FLNC: variants seen among roughly 807,000 people sequenced by gnomAD.
FLNC encodes filamin-C.
A neutral mutation model predicts 254.3 loss-of-function variants in FLNC; 91 were observed. The ratio of observed to expected loss-of-function variants is 0.36; its 90% CI spans 0.30 to 0.43. The LOEUF is 0.43. Among genes scored for constraint, FLNC ranks in the 20% least tolerant of loss-of-function variants. The probability of loss-of-function intolerance (pLI) is 1.00; values close to 1 mark genes in which losing one functional copy is unlikely to be tolerated. For synonymous variants in FLNC, 1,430 were observed against 1,577.2 expected (o/e 0.91, Z 2.21); for missense variants, 2,853 against 3,802.6 (o/e 0.75, Z 6.57).
intron 24 of FLNC, 28 bp downstream of exon 24, chr7:128,846,933 A>C: frequency 1.2e-6 from 2 of 1,613,314 alleles, no homozygotes; most frequent in Non-Finnish European, 1.7e-6. Flanking sequence ...TCGGGGTCTC[A>C]GGGAAGACAA....
intron 8 of FLNC, among the ~76,000 whole-genome samples, 195 bp downstream of exon 8, chr7:128,838,998 G>A (rs1217696807): frequency 6.6e-6 from 1 of 152,176 alleles, no homozygotes; most frequent in Non-Finnish European, 1.5e-5. Context: ...GTGCCACCCT[G>A]GGAGGGCTGA....
rs1176399737 is a variant in FLNC, at chr7:128,841,869, TGACCCCTA to T, written c.2121+305_2121+312del. 5.9e-5 allele frequency among the ~76,000 whole-genome samples: 9 copies of T among 152,282 alleles called. No homozygotes were observed. Among genetic ancestry groups the T allele is most frequent in the Admixed American group, 5.9e-4 (9 of 15,294 alleles). On this transcript the variant is annotated intron_variant, in intron 13 of 47. Transcript: ENST00000325888. The surrounding 1 kb of genome is among the most constrained non-coding windows in gnomAD (Gnocchi z 4.3). ...GTCAGTTTCTCAGACTGGTGTCCATTGACCCCTAGAGGTTAATGAACATATTCTTGAGG... is the reference window on the plus strand; with the variant it reads ...GTCAGTTTCTCAGACTGGTGTCCATTGAGGTTAATGAACATATTCTTGAGG...
intron 1 of FLNC, among the ~76,000 whole-genome samples, chr7:128,833,515 C>A (rs985933141): frequency 5.3e-5 from 8 of 152,208 alleles, no homozygotes; most frequent in Admixed American, 4.6e-4. Flanking sequence ...TGCCCTTCTC[C>A]TGCCCCAAGC....
intron 1 of FLNC, among the ~76,000 whole-genome samples, chr7:128,834,547 G>A (rs1808022099): frequency 6.7e-6 from 1 of 149,300 alleles, no homozygotes; most frequent in African/African-American, 2.5e-5. Flanking sequence ...GAGTGTGAGT[G>A]GAAACTTGTC....
rs1431389763 is a variant in FLNC at position 128,849,403 on chromosome 7, A to G, written c.5024A>G (p.Glu1675Gly). 1 of 1,614,154 alleles carries G rather than the reference A, an allele frequency of 6.2e-7. No individual in the cohort carries two copies. Among genetic ancestry groups the G allele is most frequent in the Admixed American group, 1.7e-5 (1 of 60,034 alleles). Residue 1675 changes from glutamate (E) to glycine (G), a missense_variant, in exon 30 of 48, where the codon GAG becomes GGG. Glu to Gly is a moderately conservative substitution (Grantham distance 98). Coordinates refer to ENST00000325888, the MANE Select transcript of FLNC (RefSeq NM_001458.5). The part of the protein sequence containing the change: ...VITVDAKAAG[E>G]GKVTCTVSTP... ...ACGGTGGATGCCAAGGCAGCCGGTGAGGGGAAGGTGACATGCACGGTGTCC... is the reference window on the plus strand; with the variant it reads ...ACGGTGGATGCCAAGGCAGCCGGTGGGGGGAAGGTGACATGCACGGTGTCC...
At chr7:128,837,122 CT>C in intron 2 of FLNC, 37 bp from the exon 3 acceptor site, 4 of 1,419,760 alleles carry the variant, frequency 2.8e-6, no homozygotes, top group Non-Finnish European at 3.9e-6. Context: ...GGCCGGCTGG[CT>C]GCCCCTCACC....
intron 9 of FLNC, 21 bp from the exon 10 acceptor site, chr7:128,840,527 A>C (rs1585155590): frequency 6.2e-7 from 1 of 1,613,882 alleles, no homozygotes. Flanking sequence ...CTTCTTCCCC[A>C]CCCTGCCCCC....
chr7:128,834,264 C>A (rs1246189710), intron 1 of FLNC, among the ~76,000 whole-genome samples: 1 of 151,744 alleles, frequency 6.6e-6, no homozygotes, highest in Admixed American at 6.6e-5. Context: ...GCTAGGCCAC[C>A]CCAGGCTTCT....
rs987136773 is a variant in FLNC, at chr7:128,836,280, C to T, written c.601+706C>T. Among the ~76,000 whole-genome samples, 1 of 152,222 alleles carries T rather than the reference C, an allele frequency of 6.6e-6. No individual in the cohort carries two copies. Among genetic ancestry groups the T allele is most frequent in the Admixed American group, 6.5e-5 (1 of 15,284 alleles). Reference sequence around the variant, plus strand: ...GATAGGTTTTCTCCAGGAGTCACAGCCCCTCGGGAGAATCCTCCTCCACCC... The same window carrying T: ...GATAGGTTTTCTCCAGGAGTCACAGTCCCTCGGGAGAATCCTCCTCCACCC... On this transcript the variant is annotated intron_variant, in intron 2 of 47. Transcript: ENST00000325888. The surrounding 1 kb of genome is among the most constrained non-coding windows in gnomAD (Gnocchi z 6.0).
Position 128,849,978 on chromosome 7 carries a change from G to A in FLNC, c.5202G>A (p.Ala1734=), listed in dbSNP as rs757233206. The A allele has an allele frequency of 1.6e-5, 26 of 1,587,450 alleles. No homozygotes were observed. Among genetic ancestry groups the A allele is most frequent in the Middle Eastern group, 3.3e-4 (2 of 6,066 alleles). Residue 1734 remains alanine (A), a splice_region_variant and synonymous_variant, in exon 31 of 48, where the codon GCG becomes GCA. Transcript: ENST00000325888. ...GCCCCCGTGCCTTGCCTCCCCAGGC[G>A]TGTGACCCCCTGCCGCACGAGGAGG... is the stretch of plus-strand genomic sequence containing the variant. ...HIPNSPFHVL[A]CDPLPHEEEP...
At chr7:128,854,374 G>A (rs1476306265) in intron 40 of FLNC, 39 bp from the exon 41 acceptor site, 2 of 1,601,712 alleles carry the variant, frequency 1.2e-6, no homozygotes, top group Non-Finnish European at 1.7e-6. Context: ...GGGCTAGGAG[G>A]AATCCCAGTG....
At position 128,835,045 on chromosome 7, in the gene FLNC, A is replaced by G. The variant is rs1808042031; in HGVS notation, c.353-281A>G. On this transcript the variant is annotated intron_variant, in intron 1 of 47. Transcript: ENST00000325888. The surrounding 1 kb of genome is among the most constrained non-coding windows in gnomAD (Gnocchi z 5.3). Reference sequence around the variant, plus strand: ...AATCCCACAAGGCCAGAAAGAAACCAGGTAATTACATAGACAGGAGGCAGA... The same window carrying G: ...AATCCCACAAGGCCAGAAAGAAACCGGGTAATTACATAGACAGGAGGCAGA... Among the ~76,000 whole-genome samples the G allele has an allele frequency of 6.6e-6, 1 of 152,242 alleles. No homozygotes were observed. Among genetic ancestry groups the G allele is most frequent in the South Asian group, 2.1e-4 (1 of 4,830 alleles).
Position 128,841,025 on chromosome 7 carries a change from C to A in FLNC, c.1813+55C>A. 1 of 1,569,606 alleles carries A rather than the reference C, an allele frequency of 6.4e-7. No homozygotes were observed. The highest frequency in any genetic ancestry group is 2.3e-5 in the East Asian group (1 of 42,714). On this transcript the variant is annotated intron_variant, in intron 11 of 47. Transcript: ENST00000325888. The surrounding 1 kb of genome is among the most constrained non-coding windows in gnomAD (Gnocchi z 4.3). ...TGCTGCGGGGGAGGGCAGCAGGGGA[C>A]ACTGTGGGTAATGGGTGCAGTGCGC...
At position 128,852,920 on chromosome 7, in the gene FLNC, G is replaced by A. The variant is rs749616901; in HGVS notation, c.6097G>A (p.Val2033Met). 3 of 1,613,584 alleles carry A rather than the reference G, an allele frequency of 1.9e-6. No homozygotes were observed. The highest frequency in any genetic ancestry group is 1.1e-5 in the South Asian group (1 of 91,088). Residue 2033 changes from valine (V) to methionine (M), a missense_variant, in exon 37 of 48, where the codon GTG (valine) becomes ATG (methionine). Physicochemically the swap from Val to Met is conservative, Grantham distance 21 (BLOSUM62 1). This residue lies in a region of FLNC where 551 missense variants were observed against 835.0 expected (regional missense o/e 0.66). Coordinates refer to ENST00000325888, the MANE Select transcript of FLNC (RefSeq NM_001458.5). ...HVTNSPFKIL[V>M]GPSEIGDASK... is the part of the protein sequence containing the mutation. ...CACCAACAGCCCCTTCAAGATCCTG[G>A]TGGGGCCATCTGAGATCGGGGACGC... is the stretch of plus-strand genomic sequence containing the variant.
chr7:128,849,398 C>T lies in FLNC; in HGVS notation c.5019C>T (p.Ala1673=), dbSNP rs747436514. The T allele has an allele frequency of 1.6e-5, 26 of 1,614,022 alleles. No individual in the cohort carries two copies. The highest frequency in any genetic ancestry group is 6.7e-5 in the East Asian group (3 of 44,886). The change falls in exon 30 of 48, where the codon GCC becomes GCT. Residue 1673 remains alanine (A), a synonymous_variant. Transcript: ENST00000325888. ...TGATCACGGTGGATGCCAAGGCAGC[C>T]GGTGAGGGGAAGGTGACATGCACGG... ...ETVITVDAKA[A]GEGKVTCTVS...
chr7:128,840,173 G>C lies in FLNC; in HGVS notation c.1549+13G>C. On this transcript the variant is annotated intron_variant, in intron 9 of 47. Coordinates refer to ENST00000325888, the MANE Select transcript of FLNC (RefSeq NM_001458.5). The stretch of plus-strand genomic sequence containing the variant: ...GTCAAGGGGCCAAGTGAGTGCCAGA[G>C]CCCAGGGTCGTGAGGGTGGGGCTGG... 1 of 1,613,420 alleles carries C rather than the reference G, an allele frequency of 6.2e-7. No individual in the cohort carries two copies. Among genetic ancestry groups the C allele is most frequent in the Non-Finnish European group, 8.5e-7 (1 of 1,179,992 alleles).
rs567488260 is a variant in FLNC at position 128,840,746 on chromosome 7, G to A, written c.1676+72G>A. 1,645 of 1,504,898 alleles carry A rather than the reference G, an allele frequency of 1.1e-3. 33 individuals are homozygous for A. In the South Asian group the frequency reaches 0.018, roughly 17 times the overall value. 93.2% of individuals were successfully genotyped at this position (1,504,898 alleles called of 1,614,324 possible). On this transcript the variant is annotated intron_variant, in intron 10 of 47. Transcript: ENST00000325888. Reference sequence around the variant, plus strand: ...GGAGGGACGAGGGGCACTGGGCTGCGAGGGAGTTTGAGGGGAGATGGAGTT... The same window carrying A: ...GGAGGGACGAGGGGCACTGGGCTGCAAGGGAGTTTGAGGGGAGATGGAGTT...
chr7:128,854,346 TG>T (rs1808960990), intron 40 of FLNC, 66 bp from the exon 41 acceptor site: 1 of 1,596,384 alleles, frequency 6.3e-7, no homozygotes, highest in South Asian at 1.1e-5. Context: ...GTTTAACTGA[TG>T]GGGGAGGGAA....
intron 16 of FLNC, 64 bp downstream of exon 16, chr7:128,843,018 T>A: frequency 6.4e-7 from 1 of 1,574,496 alleles, no homozygotes; most frequent in Non-Finnish European, 8.7e-7. Context: ...CAGCTGGAGA[T>A]GCTGTCACTG....
Sources: allele counts gnomAD v4.1 joint callset (sites outside exome capture counted in the v4.1 genomes callset), GRCh38; gene constraint gnomAD v4.1.1; regional missense constraint gnomAD v4.1.1; non-coding constraint Gnocchi (gnomAD v3.1); transcripts MANE v1.5; gene names NCBI Gene and HGNC (gene_info 2026-07-23, HGNC 2026-07-21).